Variants in UGT8 observed in about 807,000 individuals in gnomAD.
The protein encoded by UGT8 is UDP glycosyltransferase 8, also known as 2-hydroxyacylsphingosine 1-beta-galactosyltransferase.
Under a neutral mutation model 40.5 loss-of-function variants are expected in UGT8, and 12 were observed. That is an observed-to-expected ratio of 0.30 (90% CI 0.19 to 0.48). UGT8 has a LOEUF of 0.48. Among genes scored for constraint, UGT8 ranks in the 20% least tolerant of loss-of-function variants. The pLI is 0.99. For missense variants in UGT8, 513 were observed against 648.7 expected (o/e 0.79, Z 2.27); for synonymous variants, 224 against 240.4 (o/e 0.93, Z 0.63).
intron 2 of UGT8, among the ~76,000 whole-genome samples, chr4:114,648,221 G>A (rs1190902087): frequency 6.6e-6 from 1 of 152,088 alleles, no homozygotes; most frequent in African/African-American, 2.4e-5. Flanking sequence ...TAACATTTAT[G>A]TGCTTTATTA....
chr4:114,613,788 A>G (rs4425400), intron 1 of UGT8, among the ~76,000 whole-genome samples: 92,445 of 151,980 alleles, frequency 0.61, 31,213 homozygotes, highest in East Asian at 0.81. Flanking sequence ...TAGACTCCAT[A>G]ACAGCTTATT....
chr4:114,652,121 T>C (rs1454220541), intron 2 of UGT8, among the ~76,000 whole-genome samples: 1 of 152,066 alleles, frequency 6.6e-6, no homozygotes, highest in East Asian at 1.9e-4. Context: ...TAGACATGAA[T>C]TGATATAGTA....
At chr4:114,671,239 A>G (rs1030655614) in intron 5 of UGT8, among the ~76,000 whole-genome samples, 1 of 152,208 alleles carries the variant, frequency 6.6e-6, no homozygotes, top group South Asian at 2.1e-4. Flanking sequence ...GCCCAAAGTA[A>G]TTTATAGATT....
At chr4:114,656,063 G>C (rs1437895010) in intron 2 of UGT8, among the ~76,000 whole-genome samples, 1 of 152,118 alleles carries the variant, frequency 6.6e-6, no homozygotes, top group Non-Finnish European at 1.5e-5. Flanking sequence ...TCTGCATGTT[G>C]CATCTGATTA....
intron 2 of UGT8, among the ~76,000 whole-genome samples, chr4:114,657,344 G>T (rs1159670799): frequency 6.6e-6 from 1 of 152,076 alleles, no homozygotes; most frequent in Non-Finnish European, 1.5e-5. Context: ...AAGAAAAACC[G>T]ATACTGCAGA....
At chr4:114,608,567 T>C (rs548321486) in intron 1 of UGT8, among the ~76,000 whole-genome samples, 1 of 152,256 alleles carries the variant, frequency 6.6e-6, no homozygotes, top group South Asian at 2.1e-4. Flanking sequence ...CAACATATCT[T>C]ATAGGGATTG....
chr4:114,611,350 T>C (rs1731024789), intron 1 of UGT8, among the ~76,000 whole-genome samples: 1 of 146,530 alleles, frequency 6.8e-6, no homozygotes. Context: ...TTGGGGAATT[T>C]CAGAAATAGA....
At chr4:114,665,817 T>A in intron 4 of UGT8, 61 bp downstream of exon 4, 1 of 197,566 alleles carries the variant, frequency 5.1e-6, no homozygotes, top group Non-Finnish European at 8.6e-6. Flanking sequence ...TAAATGTGAC[T>A]TTTTTTTTTT....
chr4:114,660,053 A>G (rs1734421148), intron 2 of UGT8, among the ~76,000 whole-genome samples: 1 of 152,220 alleles, frequency 6.6e-6, no homozygotes, highest in Non-Finnish European at 1.5e-5. Flanking sequence ...ATAAATTCTC[A>G]TTGGATAAAA....
chr4:114,618,958 G>A (rs763618465), intron 1 of UGT8, among the ~76,000 whole-genome samples: 4 of 152,054 alleles, frequency 2.6e-5, no homozygotes, highest in African/African-American at 9.7e-5. Context: ...CTACACTGAT[G>A]CATTGATTTC....
At chr4:114,622,605 T>G (rs1731887627) in intron 1 of UGT8, 3 of 302,238 alleles carry the variant, frequency 9.9e-6, no homozygotes, top group Non-Finnish European at 1.2e-5. Context: ...ACCTGTTGTT[T>G]CCTGACTTTT....
At chr4:114,657,104 A>G (rs190109171) in intron 2 of UGT8, among the ~76,000 whole-genome samples, 1 of 151,030 alleles carries the variant, frequency 6.6e-6, no homozygotes, top group East Asian at 2.0e-4. Context: ...TGAGAGTTTC[A>G]CCTCCGTTTA....
intron 2 of UGT8, among the ~76,000 whole-genome samples, chr4:114,628,072 A>G (rs920134448): frequency 6.6e-6 from 1 of 152,146 alleles, no homozygotes; most frequent in African/African-American, 2.4e-5. Flanking sequence ...TTTGTTCTAA[A>G]TTTGTGTCTG....
intron 2 of UGT8, among the ~76,000 whole-genome samples, chr4:114,663,184 G>T (rs938438911): frequency 4.6e-5 from 7 of 152,054 alleles, no homozygotes; most frequent in African/African-American, 1.7e-4. Context: ...CTACAAAGTG[G>T]TGCCAAATGC....
Position 114,676,349 on chromosome 4 carries a change from T to G in UGT8, c.*61T>G, listed in dbSNP as rs539907680. The G allele has an allele frequency of 1.8e-4, 251 of 1,382,224 alleles. 1 individual carries two copies. Among genetic ancestry groups the G allele is most frequent in the Admixed American group, 1.1e-4 (5 of 44,956 alleles). The allele number at this position is 1,382,224 out of a possible 1,614,324, so 85.6% of individuals were successfully genotyped here. ...CTCATTGAATTTTTATTGCTATTAT[T>G]TAGTCTAACAGCTACTAAAAGTAAA... On this transcript the variant is annotated 3_prime_UTR_variant, in exon 6 of 6. Transcript: ENST00000310836.
intron 3 of UGT8, 38 bp downstream of exon 3, chr4:114,664,175 A>T (rs756325859): frequency 1.9e-6 from 3 of 1,606,444 alleles, no homozygotes; most frequent in African/African-American, 2.7e-5. Context: ...TGCTATTGAC[A>T]ATCAATATCT....
intron 2 of UGT8, among the ~76,000 whole-genome samples, chr4:114,654,991 T>A (rs901519965): frequency 6.6e-6 from 1 of 152,092 alleles, no homozygotes; most frequent in Non-Finnish European, 1.5e-5. Flanking sequence ...GTATGACTGA[T>A]AACTTATATT....
chr4:114,650,069 G>A (rs547437270), intron 2 of UGT8, among the ~76,000 whole-genome samples: 1 of 152,120 alleles, frequency 6.6e-6, no homozygotes, highest in African/African-American at 2.4e-5. Flanking sequence ...CTCACATGGC[G>A]ATTCTGCAAT....
chr4:114,627,208 T>C (rs1366092134), intron 2 of UGT8, among the ~76,000 whole-genome samples: 2 of 152,022 alleles, frequency 1.3e-5, no homozygotes, highest in Non-Finnish European at 2.9e-5. Flanking sequence ...ATAAAAATGC[T>C]TTGATCAAGA....
Sources: allele counts gnomAD v4.1 joint callset (sites outside exome capture counted in the v4.1 genomes callset), GRCh38; gene constraint gnomAD v4.1.1; transcripts MANE v1.5; gene names NCBI Gene and HGNC (gene_info 2026-07-23, HGNC 2026-07-21).